POU6F2: variants seen among roughly 807,000 people sequenced by gnomAD.
The protein encoded by POU6F2 is POU class 6 homeobox 2, also known as POU domain, class 6, transcription factor 2.
A neutral mutation model predicts 71.3 loss-of-function variants in POU6F2; 31 were observed. That is an observed-to-expected ratio of 0.43 (90% CI 0.33 to 0.59). The LOEUF is 0.59. Among genes scored for constraint, POU6F2 ranks in the 20% least tolerant of loss-of-function variants. The probability of loss-of-function intolerance (pLI) is 0.04; values close to 1 mark genes in which losing one functional copy is unlikely to be tolerated. For missense variants in POU6F2, 783 were observed against 856.8 expected, an observed-to-expected ratio of 0.91 and a Z score of 1.07; for synonymous variants, 347 against 355.7, an observed-to-expected ratio of 0.98 and a Z score of 0.27.
Position 39,252,353 on chromosome 7 carries a change from C to A in POU6F2, c.598+44733C>A, listed in dbSNP as rs539214842. ...TTTAGATTCATAAGTTTTGCAGCCTCTCCAGAGTCACCACACAAACACACA... is the reference window on the plus strand; with the variant it reads ...TTTAGATTCATAAGTTTTGCAGCCTATCCAGAGTCACCACACAAACACACA... On this transcript the variant is annotated intron_variant, in intron 4 of 9. Coordinates refer to ENST00000518318, the MANE Select transcript of POU6F2 (RefSeq NM_001370959.1). Among the ~76,000 whole-genome samples, 52 of 151,342 alleles carry A rather than the reference C, an allele frequency of 3.4e-4. No homozygotes were observed. The South Asian group carries it at 4.2e-3, about 12-fold the overall frequency.
intron 2 of POU6F2, among the ~76,000 whole-genome samples, chr7:39,186,324 A>G (rs1793539558): frequency 6.6e-6 from 1 of 152,190 alleles, no homozygotes; most frequent in Non-Finnish European, 1.5e-5. Flanking sequence ...TGACAGCTGC[A>G]AGAAAATACC....
chr7:39,018,140 C>G (rs375678496), intron 1 of POU6F2, among the ~76,000 whole-genome samples: 1 of 152,080 alleles, frequency 6.6e-6, no homozygotes, highest in Non-Finnish European at 1.5e-5. Flanking sequence ...AAAGCCAGAT[C>G]GATCAATGGT....
intron 1 of POU6F2, among the ~76,000 whole-genome samples, chr7:38,979,147 A>G (rs191431441): frequency 1.3e-5 from 2 of 152,162 alleles, no homozygotes; most frequent in African/African-American, 4.8e-5. Context: ...ATGTTTACTT[A>G]TGGATTGTTA....
intron 2 of POU6F2, among the ~76,000 whole-genome samples, chr7:39,199,889 A>G (rs1408937357): frequency 6.6e-6 from 1 of 152,214 alleles, no homozygotes; most frequent in Admixed American, 6.5e-5. Context: ...CATTTCCATA[A>G]TAGATTCAAA....
At chr7:39,033,040 T>A (rs1480766657) in intron 1 of POU6F2, among the ~76,000 whole-genome samples, 1 of 152,216 alleles carries the variant, frequency 6.6e-6, no homozygotes, top group African/African-American at 2.4e-5. Flanking sequence ...AACCGGTGTC[T>A]AAAGATTTCC....
intron 5 of POU6F2, among the ~76,000 whole-genome samples, chr7:39,375,231 C>T (rs757645511): frequency 2.0e-5 from 3 of 152,246 alleles, no homozygotes; most frequent in African/African-American, 7.2e-5. Flanking sequence ...GACTGTTGCA[C>T]CATATGACCC....
chr7:38,980,918 G>A (rs1296206988), intron 1 of POU6F2, among the ~76,000 whole-genome samples: 3 of 152,098 alleles, frequency 2.0e-5, no homozygotes, highest in African/African-American at 4.8e-5. Context: ...AGGACACAGC[G>A]CTGGCTTCAC....
At chr7:39,381,378 C>T (rs190478477) in intron 5 of POU6F2, among the ~76,000 whole-genome samples, 266 of 152,262 alleles carry the variant, frequency 1.7e-3, no homozygotes, top group African/African-American at 5.6e-3. Flanking sequence ...GCTGGGACTA[C>T]AGGCACGCGC....
At chr7:39,318,793 T>C (rs1785324723) in intron 4 of POU6F2, among the ~76,000 whole-genome samples, 1 of 152,144 alleles carries the variant, frequency 6.6e-6, no homozygotes, top group African/African-American at 2.4e-5. Context: ...TGCTAGGTAA[T>C]ATAAACACTA....
At chr7:39,284,934 G>C (rs1327442179) in intron 4 of POU6F2, among the ~76,000 whole-genome samples, 1 of 152,158 alleles carries the variant, frequency 6.6e-6, no homozygotes, top group East Asian at 1.9e-4. Flanking sequence ...TCACAGGCAA[G>C]GTCCGTAGGA....
rs554603378 is a variant in POU6F2, at chr7:39,280,908, G to A, written c.599-58734G>A. On this transcript the variant is annotated intron_variant, in intron 4 of 9. Coordinates refer to ENST00000518318, the MANE Select transcript of POU6F2 (RefSeq NM_001370959.1). ...GATGCTCACAAGTTGGCAGACACTA[G>A]CGAATTTCCAAACAGTTATGATCTT... Among the ~76,000 whole-genome samples, 183 of 152,292 alleles carry A rather than the reference G, an allele frequency of 1.2e-3. 1 individual carries two copies. The South Asian group carries it at 0.035, about 29-fold the overall frequency.
At chr7:39,109,449 G>GTC (rs1250769333) in intron 2 of POU6F2, among the ~76,000 whole-genome samples, 2 of 152,192 alleles carry the variant, frequency 1.3e-5, no homozygotes, top group East Asian at 3.8e-4. Context: ...AGACACTGAT[G>GTC]TCTCACCTGA....
chr7:39,041,093 C>T (rs1463086910), intron 1 of POU6F2, among the ~76,000 whole-genome samples: 2 of 151,998 alleles, frequency 1.3e-5, no homozygotes, highest in African/African-American at 2.4e-5. Flanking sequence ...GATCCCAACA[C>T]ACCAGTGGTG....
At chr7:39,448,982 T>C (rs1413942499) in intron 7 of POU6F2, among the ~76,000 whole-genome samples, 2 of 152,236 alleles carry the variant, frequency 1.3e-5, no homozygotes, top group African/African-American at 4.8e-5. Context: ...CAATTGTTGA[T>C]TATGTGCTCA....
intron 4 of POU6F2, among the ~76,000 whole-genome samples, chr7:39,323,828 G>A (rs536151453): frequency 1.3e-4 from 20 of 152,242 alleles, no homozygotes; most frequent in South Asian, 4.2e-4. Context: ...CCCTTGCACC[G>A]CCAGGCAAGG....
At chr7:39,141,274 T>A (rs538630993) in intron 2 of POU6F2, among the ~76,000 whole-genome samples, 145 of 152,296 alleles carry the variant, frequency 9.5e-4, no homozygotes, top group African/African-American at 3.3e-3. Context: ...ATTGAATGAG[T>A]AACATAGTCT....
chr7:39,103,542 C>A (rs1196194152), intron 2 of POU6F2, among the ~76,000 whole-genome samples: 1 of 152,178 alleles, frequency 6.6e-6, no homozygotes, highest in African/African-American at 2.4e-5. Context: ...AGCTGGTGTT[C>A]CCCTAGAAAA....
At chr7:39,171,191 T>C (rs1397689648) in intron 2 of POU6F2, among the ~76,000 whole-genome samples, 2 of 151,994 alleles carry the variant, frequency 1.3e-5, no homozygotes, top group Admixed American at 1.3e-4. Flanking sequence ...TCCCTCCCCT[T>C]TACCCCATCC....
At chr7:39,116,110 G>A (rs1791922925) in intron 2 of POU6F2, among the ~76,000 whole-genome samples, 1 of 152,298 alleles carries the variant, frequency 6.6e-6, no homozygotes, top group East Asian at 1.9e-4. Context: ...AGCGAGCCGG[G>A]ATGGTGGCTC....
Sources: gnomAD v4.1 joint callset for allele counts (sites outside exome capture counted in the v4.1 genomes callset) on GRCh38, gnomAD v4.1.1 for gene constraint, MANE v1.5 for transcripts, NCBI Gene and HGNC (gene_info 2026-07-23, HGNC 2026-07-21) for gene names.